The following AAMDC variants were observed in gnomAD, a reference collection of about 807,000 sequenced individuals.
AAMDC encodes the protein mth938 domain-containing protein.
Under a neutral mutation model 15.5 loss-of-function variants are expected in AAMDC, and 16 were observed. The ratio of observed to expected loss-of-function variants is 1.03; its 90% CI spans 0.70 to 1.57. The LOEUF is 1.57. Ranked by LOEUF, AAMDC falls within the 40% of genes most tolerant of loss-of-function variation. The pLI is 0.00. For synonymous variants in AAMDC, 51 were observed against 51.6 expected (o/e 0.99, Z 0.05); for missense variants, 141 against 144.9 (o/e 0.97, Z 0.14).
intron 5 of AAMDC, among the ~76,000 whole-genome samples, chr11:77,884,407 A>G (rs1028739255): frequency 2.6e-5 from 4 of 152,068 alleles, no homozygotes; most frequent in African/African-American, 9.7e-5. Context: ...CTACGGAGAG[A>G]CGGCTCAATG....
chr11:77,886,702 T>C (rs898411580), intron 5 of AAMDC, among the ~76,000 whole-genome samples: 7 of 152,082 alleles, frequency 4.6e-5, no homozygotes, highest in Non-Finnish European at 1.0e-4. Context: ...TTGACTCTAG[T>C]CTGGCAGGGT....
At chr11:77,831,235 C>T (rs764741284) in intron 1 of AAMDC, among the ~76,000 whole-genome samples, 20 of 152,164 alleles carry the variant, frequency 1.3e-4, no homozygotes, top group Non-Finnish European at 2.4e-4. Context: ...AAGCAGAACC[C>T]TCATCACTGC....
chr11:77,856,632 T>A (rs1458573852), intron 2 of AAMDC, among the ~76,000 whole-genome samples: 1 of 152,072 alleles, frequency 6.6e-6, no homozygotes, highest in African/African-American at 2.4e-5. Flanking sequence ...AAACTTACTA[T>A]CACGGCAGAA....
chr11:77,823,708 A>G (rs1029846800), intron 1 of AAMDC, among the ~76,000 whole-genome samples: 13 of 151,926 alleles, frequency 8.6e-5, no homozygotes, highest in African/African-American at 3.1e-4. Context: ...ACTTTCATAT[A>G]CTGGTTACTT....
chr11:77,827,692 C>T (rs539739186), intron 1 of AAMDC, among the ~76,000 whole-genome samples: 1 of 152,270 alleles, frequency 6.6e-6, no homozygotes, highest in African/African-American at 2.4e-5. Flanking sequence ...CTAATTCCTC[C>T]CTCCTAAGGT....
At chr11:77,868,660 A>G in intron 2 of AAMDC, 1 of 157,376 alleles carries the variant, frequency 6.4e-6, no homozygotes, top group Middle Eastern at 3.2e-3. Context: ...TTTTTAATGT[A>G]CAGTCCAGAG....
At chr11:77,881,932 G>GT (rs1355476226) in intron 5 of AAMDC, among the ~76,000 whole-genome samples, 1 of 150,700 alleles carries the variant, frequency 6.6e-6, no homozygotes, top group Non-Finnish European at 1.5e-5. Context: ...TTTCTTTTGA[G>GT]TCAGGGTCTT....
chr11:77,839,619 C>G (rs1219573206), intron 1 of AAMDC, among the ~76,000 whole-genome samples: 1 of 152,192 alleles, frequency 6.6e-6, no homozygotes, highest in East Asian at 1.9e-4. Flanking sequence ...TACCTCTACA[C>G]CATGGTATAC....
chr11:77,839,835 G>A (rs1565200419), intron 1 of AAMDC, among the ~76,000 whole-genome samples: 2 of 152,120 alleles, frequency 1.3e-5, no homozygotes, highest in South Asian at 4.1e-4. Flanking sequence ...GTCAGGGGGA[G>A]GGAGAGCATC....
chr11:77,877,918 C>T (rs1168793984), intron 5 of AAMDC, among the ~76,000 whole-genome samples: 1 of 152,138 alleles, frequency 6.6e-6, no homozygotes, highest in East Asian at 1.9e-4. Context: ...CATGCAGCAT[C>T]AACTCATCAG....
chr11:77,824,832 A>G (rs1217599261), intron 1 of AAMDC, among the ~76,000 whole-genome samples: 1 of 152,238 alleles, frequency 6.6e-6, no homozygotes, highest in Non-Finnish European at 1.5e-5. Flanking sequence ...ACTAAATGCA[A>G]TGCAATTATG....
chr11:77,847,350 A>G (rs573029428), intron 2 of AAMDC, among the ~76,000 whole-genome samples: 1 of 152,338 alleles, frequency 6.6e-6, no homozygotes, highest in South Asian at 2.1e-4. Flanking sequence ...TGTAGGTTGT[A>G]TAGTCTATCA....
chr11:77,830,987 C>CAAAAAAA (rs59283485), intron 1 of AAMDC, among the ~76,000 whole-genome samples: 3 of 100,514 alleles, frequency 3.0e-5, no homozygotes, highest in Non-Finnish European at 4.1e-5. Flanking sequence ...CAAAATATAC[C>CAAAAAAA]AAAAAAAAAA....
At chr11:77,874,445 C>A (rs1590983586), downstream of AAMDC, among the ~76,000 whole-genome samples, 1 of 149,154 alleles carries the variant, frequency 6.7e-6, no homozygotes. Flanking sequence ...TGGGTGTAAT[C>A]ATTCTTCCTA....
chr11:77,902,258 G>A (rs1952801262), downstream of AAMDC, among the ~76,000 whole-genome samples: 1 of 152,026 alleles, frequency 6.6e-6, no homozygotes, highest in Non-Finnish European at 1.5e-5. Flanking sequence ...CCAATATCAT[G>A]AAGTTTCAAG....
chr11:77,902,877 G>A (rs575071257), downstream of AAMDC, among the ~76,000 whole-genome samples: 2 of 152,306 alleles, frequency 1.3e-5, no homozygotes, highest in Non-Finnish European at 2.9e-5. Context: ...TAACGTTGAA[G>A]AGATGGTACA....
intron 2 of AAMDC, among the ~76,000 whole-genome samples, chr11:77,845,127 G>T (rs1467071254): frequency 6.6e-6 from 1 of 152,040 alleles, no homozygotes. Context: ...TGAAGATGTA[G>T]ATTATTGTTT....
At chr11:77,893,353 C>G (rs1952359424) in intron 5 of AAMDC, among the ~76,000 whole-genome samples, 1 of 152,192 alleles carries the variant, frequency 6.6e-6, no homozygotes, top group Non-Finnish European at 1.5e-5. Context: ...CACCTGTAAT[C>G]CCAATACTTT....
At chr11:77,829,640 A>G (rs1949330920) in intron 1 of AAMDC, 1 of 152,234 alleles carries the variant, frequency 6.6e-6, no homozygotes, top group South Asian at 2.1e-4. Flanking sequence ...TGAGACCTGA[A>G]ACTAAAACTC....
Sources: gnomAD v4.1 joint callset for allele counts (sites outside exome capture counted in the v4.1 genomes callset) on GRCh38, gnomAD v4.1.1 for gene constraint, MANE v1.5 for transcripts, NCBI Gene and HGNC (gene_info 2026-07-23, HGNC 2026-07-21) for gene names.